The following SNRNP40 variants were observed in gnomAD, a reference collection of about 807,000 sequenced individuals.
SNRNP40 encodes the protein small nuclear ribonucleoprotein U5 subunit 40.
Under a neutral mutation model 45.8 loss-of-function variants are expected in SNRNP40, and 21 were observed. That is an observed-to-expected ratio of 0.46 (90% CI 0.32 to 0.66). SNRNP40 has a LOEUF of 0.66. SNRNP40 is among the 30% of genes least tolerant of loss of function. The pLI is 0.03. For synonymous variants in SNRNP40, 142 were observed against 163.8 expected, an observed-to-expected ratio of 0.87 and a Z score of 1.01; for missense variants, 344 against 439.1, an observed-to-expected ratio of 0.78 and a Z score of 1.94.
intron 8 of SNRNP40, chr1:31,263,605 G>A: frequency 2.1e-6 from 1 of 466,076 alleles, no homozygotes; most frequent in Non-Finnish European, 4.2e-6. Context: ...TGAGTGAACT[G>A]CTGAGATTTT....
intron 5 of SNRNP40, among the ~76,000 whole-genome samples, chr1:31,279,271 G>C (rs1016511866): frequency 6.6e-6 from 1 of 152,120 alleles, no homozygotes; most frequent in Non-Finnish European, 1.5e-5. Flanking sequence ...CTGTACAATC[G>C]CATCAGTAGG....
At chr1:31,290,611 C>T (rs1646097861) in intron 3 of SNRNP40, among the ~76,000 whole-genome samples, 1 of 152,154 alleles carries the variant, frequency 6.6e-6, no homozygotes, top group Non-Finnish European at 1.5e-5. Flanking sequence ...GGTGCGGTGG[C>T]TCACACTTGT....
At chr1:31,284,478 C>T (rs549257124) in intron 4 of SNRNP40, among the ~76,000 whole-genome samples, 1 of 152,314 alleles carries the variant, frequency 6.6e-6, no homozygotes, top group South Asian at 2.1e-4. Context: ...CAAACAAACC[C>T]TTATAGCTCT....
At chr1:31,286,732 G>A (rs1646062308) in intron 4 of SNRNP40, among the ~76,000 whole-genome samples, 1 of 152,154 alleles carries the variant, frequency 6.6e-6, no homozygotes, top group South Asian at 2.1e-4. Context: ...CCTACCCTGT[G>A]TTGTATGGAT....
At chr1:31,267,981 T>C in intron 7 of SNRNP40, 49 bp from the exon 8 acceptor site, 1 of 1,324,378 alleles carries the variant, frequency 7.6e-7, no homozygotes, top group Non-Finnish European at 1.1e-6. Context: ...AACTCCTCTT[T>C]GCAAGGCTAC....
intron 3 of SNRNP40, among the ~76,000 whole-genome samples, chr1:31,290,527 A>C (rs1646096687): frequency 2.0e-5 from 3 of 152,244 alleles, no homozygotes; most frequent in Non-Finnish European, 4.4e-5. Context: ...AATGACGTTT[A>C]TGACATCAGA....
At chr1:31,291,670 T>A (rs1646108255) in intron 3 of SNRNP40, among the ~76,000 whole-genome samples, 3 of 152,230 alleles carry the variant, frequency 2.0e-5, no homozygotes, top group African/African-American at 7.2e-5. Flanking sequence ...AAATCACATT[T>A]ATTTTATGTC....
Position 31,286,026 on chromosome 1 carries a change from T to TG in SNRNP40, c.531+3227dup, listed in dbSNP as rs200792232. 5.8e-3 allele frequency among the ~76,000 whole-genome samples: 888 copies of TG among 152,282 alleles called. 68 individuals are homozygous for TG. The East Asian group carries it at 0.14, about 25-fold the overall frequency. The stretch of plus-strand genomic sequence containing the variant: ...TACAAGGCTTATCTTGTACTTTCAC[T>TG]GCCCCTGGGCTGAAATAGGAGCCCT... On this transcript the variant is annotated intron_variant, in intron 4 of 9. Coordinates refer to ENST00000263694, the MANE Select transcript of SNRNP40 (RefSeq NM_004814.3).
At chr1:31,272,271 A>G (rs544505564) in intron 5 of SNRNP40, among the ~76,000 whole-genome samples, 4 of 152,346 alleles carry the variant, frequency 2.6e-5, no homozygotes, top group African/African-American at 9.6e-5. Flanking sequence ...ATATATGTAC[A>G]TGTATGGATA....
chr1:31,292,221 G>C (rs1051828454), intron 2 of SNRNP40, among the ~76,000 whole-genome samples: 2 of 152,110 alleles, frequency 1.3e-5, no homozygotes, highest in African/African-American at 4.8e-5. Flanking sequence ...AAATCAGCCA[G>C]GTGTAGTGGC....
chr1:31,274,453 G>A (rs1444674407), intron 5 of SNRNP40, among the ~76,000 whole-genome samples: 1 of 152,012 alleles, frequency 6.6e-6, no homozygotes, highest in African/African-American at 2.4e-5. Context: ...GCCATGGCCA[G>A]GATGGTCTCG....
intron 5 of SNRNP40, among the ~76,000 whole-genome samples, chr1:31,273,601 C>T (rs1002421617): frequency 2.6e-5 from 4 of 151,778 alleles, no homozygotes; most frequent in Admixed American, 1.3e-4. Context: ...GATCACACAA[C>T]TGCATTCCAG....
At chr1:31,286,995 T>C (rs1646064374) in intron 4 of SNRNP40, among the ~76,000 whole-genome samples, 1 of 152,214 alleles carries the variant, frequency 6.6e-6, no homozygotes, top group Non-Finnish European at 1.5e-5. Flanking sequence ...AGAATGCACT[T>C]GATAAAAAGT....
intron 3 of SNRNP40, among the ~76,000 whole-genome samples, chr1:31,290,134 T>C (rs2062951): frequency 0.55 from 83,243 of 152,070 alleles, 23,753 homozygotes; most frequent in Non-Finnish European, 0.63. Context: ...GCTAGGGTTA[T>C]AGGCGTAAGC....
In SNRNP40 at chr1:31,289,380, C is replaced by T; in HGVS notation, c.405G>A (p.Val135=). 2 of 1,614,142 alleles carry T rather than the reference C, an allele frequency of 1.2e-6. No individual in the cohort carries two copies. Among genetic ancestry groups the T allele is most frequent in the African/African-American group, 2.7e-5 (2 of 75,056 alleles). The part of the protein sequence containing the change: ...FSASTDKTVA[V]WDSETGERVK... ...CCCTCTCACCTGTTTCACTATCCCA[C>T]ACAGCCACGGTTTTATCTGTGGATG... is the stretch of plus-strand genomic sequence containing the variant. Residue 135 remains valine (V), a synonymous_variant, in exon 4 of 10, where the codon GTG becomes GTA. Transcript: ENST00000263694.
chr1:31,260,190 G>T lies in SNRNP40; in HGVS notation c.1025-69C>A, dbSNP rs142558035. 783 of 1,096,200 alleles carry T rather than the reference G, an allele frequency of 7.1e-4. 2 individuals are homozygous for T. The African/African-American group carries it at 0.011, about 16-fold the overall frequency. 67.9% of individuals were successfully genotyped at this position (1,096,200 alleles called of 1,614,324 possible). Reference sequence around the variant, plus strand: ...GGAGACTTGGTGCTCAAGGGCTCTTGTGTCAAGAGCCAATTCTGGTATAAA... The same window carrying T: ...GGAGACTTGGTGCTCAAGGGCTCTTTTGTCAAGAGCCAATTCTGGTATAAA... On this transcript the variant is annotated intron_variant, in intron 9 of 9. Transcript: ENST00000263694.
rs920539394 is a variant in SNRNP40 at position 31,261,459 on chromosome 1, ACT to A, written c.1024+68_1024+69del. ...CGTATAAAACAGATACCCGCTTTTGACTCTCTATTCCCAGGATCCCTACGGGG... is the reference window on the plus strand; with the variant it reads ...CGTATAAAACAGATACCCGCTTTTGACTCTATTCCCAGGATCCCTACGGGG... On this transcript the variant is annotated intron_variant, in intron 9 of 9. Coordinates refer to ENST00000263694, the MANE Select transcript of SNRNP40 (RefSeq NM_004814.3). 35 of 989,308 alleles carry A rather than the reference ACT, an allele frequency of 3.5e-5. 1 individual carries two copies. The highest frequency in any genetic ancestry group is 1.6e-5 in the African/African-American group (1 of 62,310). The allele number at this position is 989,308 out of a possible 1,614,324, so 61.3% of individuals were successfully genotyped here. A position where few individuals can be genotyped will look rare whatever the true frequency, so the allele number is the denominator to read the frequency against.
At chr1:31,268,001 A>G in intron 7 of SNRNP40, 69 bp from the exon 8 acceptor site, 1 of 1,060,762 alleles carries the variant, frequency 9.4e-7, no homozygotes, top group Non-Finnish European at 1.4e-6. Context: ...CCGAATCACT[A>G]AGAGGCTTTA....
chr1:31,275,199 C>G (rs1472120809), intron 5 of SNRNP40, among the ~76,000 whole-genome samples: 1 of 152,180 alleles, frequency 6.6e-6, no homozygotes, highest in Non-Finnish European at 1.5e-5. Flanking sequence ...TAGGGCCTCA[C>G]TTCAGTCACC....
Sources: allele counts gnomAD v4.1 joint callset (sites outside exome capture counted in the v4.1 genomes callset), GRCh38; gene constraint gnomAD v4.1.1; transcripts MANE v1.5; gene names NCBI Gene and HGNC (gene_info 2026-07-23, HGNC 2026-07-21).